Variants in MCTP1 observed in about 807,000 individuals in gnomAD.
MCTP1 encodes multiple C2 and transmembrane domain containing 1.
Under a neutral mutation model 120.6 loss-of-function variants are expected in MCTP1, and 69 were observed. That is an observed-to-expected ratio of 0.57 (90% confidence interval 0.47 to 0.70). The LOEUF is 0.70. MCTP1 is among the 30% of genes least tolerant of loss of function. The pLI is 0.00. For synonymous variants in MCTP1, 529 were observed against 493.1 expected, an observed-to-expected ratio of 1.07 and a Z score of -0.96; for missense variants, 1,203 against 1,248.8, an observed-to-expected ratio of 0.96 and a Z score of 0.55.
intron 2 of MCTP1, among the ~76,000 whole-genome samples, chr5:95,002,568 G>T (rs1259491181): frequency 6.6e-6 from 1 of 152,214 alleles, no homozygotes; most frequent in African/African-American, 2.4e-5. Flanking sequence ...TTTAACGACT[G>T]CCCTATTGGA....
chr5:95,199,052 T>C lies in MCTP1; in HGVS notation c.720+84804A>G, dbSNP rs527293301. The stretch of plus-strand genomic sequence containing the variant: ...TAATTTGTTAATTTTTCTCTTATAG[T>C]TTTTGAACGTAGATAATACATAATT... On this transcript the variant is annotated intron_variant, in intron 1 of 22. Coordinates refer to ENST00000515393, the MANE Select transcript of MCTP1 (RefSeq NM_024717.7). Among the ~76,000 whole-genome samples, 238 of 152,300 alleles carry C rather than the reference T, an allele frequency of 1.6e-3. 2 individuals carry two copies. The highest frequency in any genetic ancestry group is 5.2e-3 in the African/African-American group (217 of 41,558).
At chr5:94,993,342 C>G (rs1831980420) in intron 2 of MCTP1, among the ~76,000 whole-genome samples, 1 of 152,134 alleles carries the variant, frequency 6.6e-6, no homozygotes, top group Non-Finnish European at 1.5e-5. Flanking sequence ...CACGTATTCA[C>G]AGTGGACAAA....
At chr5:95,166,465 T>C (rs771981172) in intron 1 of MCTP1, among the ~76,000 whole-genome samples, 7 of 152,224 alleles carry the variant, frequency 4.6e-5, no homozygotes, top group Non-Finnish European at 8.8e-5. Context: ...TCTTACCGTC[T>C]TGTCAAAAGC....
chr5:94,958,957 G>T (rs921254138), intron 2 of MCTP1, among the ~76,000 whole-genome samples: 5 of 152,096 alleles, frequency 3.3e-5, no homozygotes, highest in Non-Finnish European at 7.4e-5. Flanking sequence ...ACCTGGCAGA[G>T]ACACAACAAA....
chr5:94,822,052 A>G (rs1369487451), intron 17 of MCTP1, among the ~76,000 whole-genome samples: 1 of 151,994 alleles, frequency 6.6e-6, no homozygotes, highest in Non-Finnish European at 1.5e-5. Flanking sequence ...CATGGTTTTC[A>G]TATCTGTTAA....
intron 2 of MCTP1, among the ~76,000 whole-genome samples, chr5:94,972,421 G>A (rs913752930): frequency 9.9e-5 from 15 of 152,002 alleles, no homozygotes; most frequent in Admixed American, 1.3e-4. Context: ...GGAATGCCTG[G>A]TCCTCCCTTC....
chr5:94,911,084 T>C (rs567321029), intron 9 of MCTP1, among the ~76,000 whole-genome samples: 1 of 152,356 alleles, frequency 6.6e-6, no homozygotes, highest in South Asian at 2.1e-4. Flanking sequence ...TGCCTGCTAA[T>C]GATGGGCTCT....
intron 1 of MCTP1, among the ~76,000 whole-genome samples, chr5:95,028,841 T>C (rs1839766829): frequency 6.6e-6 from 1 of 152,306 alleles, no homozygotes; most frequent in East Asian, 1.9e-4. Context: ...GTAATAGATA[T>C]CTCATAAACA....
intron 2 of MCTP1, among the ~76,000 whole-genome samples, chr5:94,961,593 C>T: frequency 6.6e-6 from 1 of 152,266 alleles, no homozygotes; most frequent in Middle Eastern, 3.4e-3. Context: ...CATACCATTT[C>T]TCATCTTTGT....
chr5:95,097,377 C>T (rs78905278), intron 1 of MCTP1, among the ~76,000 whole-genome samples: 3,317 of 152,192 alleles, frequency 0.022, 57 homozygotes, highest in Non-Finnish European at 0.037. Context: ...GCGGATATGG[C>T]GAGAACCAGG....
At chr5:94,733,656 CT>C (rs1257685113) in intron 19 of MCTP1, among the ~76,000 whole-genome samples, 1 of 152,062 alleles carries the variant, frequency 6.6e-6, no homozygotes, top group Non-Finnish European at 1.5e-5. Context: ...AAAATCACAT[CT>C]AATGTTACAG....
At chr5:95,228,693 G>T (rs1056692051) in intron 1 of MCTP1, among the ~76,000 whole-genome samples, 3 of 152,144 alleles carry the variant, frequency 2.0e-5, no homozygotes, top group Non-Finnish European at 4.4e-5. Context: ...AAATCATGGG[G>T]CAGATTTCTC....
At chr5:94,793,612 T>C (rs1779419013) in intron 18 of MCTP1, 1 of 152,260 alleles carries the variant, frequency 6.6e-6, no homozygotes. Flanking sequence ...GATAAAACTC[T>C]TACTGAAGTA....
intron 1 of MCTP1, among the ~76,000 whole-genome samples, chr5:95,213,989 G>A (rs1435244039): frequency 6.6e-6 from 1 of 152,040 alleles, no homozygotes; most frequent in East Asian, 1.9e-4. Flanking sequence ...AAAAGCAATG[G>A]CAACAAAAGC....
intron 1 of MCTP1, among the ~76,000 whole-genome samples, chr5:95,199,881 C>T (rs954060169): frequency 6.8e-6 from 1 of 146,140 alleles, no homozygotes; most frequent in Admixed American, 6.9e-5. Context: ...AAAAAAAAGG[C>T]CAGGCACAGT....
chr5:95,181,098 T>C (rs1748547539), intron 1 of MCTP1, among the ~76,000 whole-genome samples: 1 of 152,258 alleles, frequency 6.6e-6, no homozygotes, highest in Non-Finnish European at 1.5e-5. Flanking sequence ...GTTTCCACTA[T>C]AGCTATTCCA....
intron 1 of MCTP1, among the ~76,000 whole-genome samples, chr5:95,031,442 C>T (rs562564642): frequency 6.6e-6 from 1 of 152,294 alleles, no homozygotes; most frequent in East Asian, 1.9e-4. Context: ...GACTTCTCAG[C>T]AGAAACCTTA....
intron 12 of MCTP1, among the ~76,000 whole-genome samples, chr5:94,882,646 G>A (rs1800376243): frequency 6.6e-6 from 1 of 152,096 alleles, no homozygotes; most frequent in Admixed American, 6.6e-5. Context: ...TCAGCAATTT[G>A]CTATTTCTTT....
rs115064947 is a variant in MCTP1 at position 94,830,483 on chromosome 5, A to G, written c.2437-31351T>C. Among the ~76,000 whole-genome samples, 465 of 152,330 alleles carry G rather than the reference A, an allele frequency of 3.1e-3. 4 individuals are homozygous for G. Among genetic ancestry groups the G allele is most frequent in the African/African-American group, 0.011 (450 of 41,580 alleles). ...TCTTCTACAGAGTAAGAGATGACAC[A>G]GGTTTTAAAAGTTCACATTGGGACC... On this transcript the variant is annotated intron_variant, in intron 17 of 22. Transcript: ENST00000515393.
Sources: gnomAD v4.1 joint callset for allele counts (sites outside exome capture counted in the v4.1 genomes callset) on GRCh38, gnomAD v4.1.1 for gene constraint, MANE v1.5 for transcripts, NCBI Gene and HGNC (gene_info 2026-07-23, HGNC 2026-07-21) for gene names.